ADAMTSL3: variants seen among roughly 807,000 people sequenced by gnomAD.
The protein encoded by ADAMTSL3 is ADAMTS-like protein 3.
In ADAMTSL3, 128 loss-of-function variants were observed where a neutral mutation model predicts 201.7. The observed-to-expected ratio is 0.63, with a 90% CI of 0.55 to 0.73. ADAMTSL3 has a LOEUF of 0.73. ADAMTSL3 is among the 30% of genes least tolerant of loss of function. The pLI is 0.00. For synonymous variants in ADAMTSL3, 738 were observed against 748.4 expected, an observed-to-expected ratio of 0.99 and a Z score of 0.23; for missense variants, 1,990 against 2,119.6, an observed-to-expected ratio of 0.94 and a Z score of 1.20.
chr15:84,009,393 A>C (rs2067964548), intron 23 of ADAMTSL3, among the ~76,000 whole-genome samples: 1 of 152,246 alleles, frequency 6.6e-6, no homozygotes, highest in African/African-American at 2.4e-5. Context: ...TATAAAATAA[A>C]ATATACTGCA....
At chr15:83,823,319 A>T (rs1485344306) in intron 6 of ADAMTSL3, among the ~76,000 whole-genome samples, 1 of 152,202 alleles carries the variant, frequency 6.6e-6, no homozygotes, top group Non-Finnish European at 1.5e-5. Flanking sequence ...AAACAATAGT[A>T]ACAACAGCAG....
chr15:83,828,972 T>C (rs535930009), intron 6 of ADAMTSL3, among the ~76,000 whole-genome samples: 40 of 151,158 alleles, frequency 2.6e-4, no homozygotes, highest in African/African-American at 9.2e-4. Flanking sequence ...ATCAGGGATA[T>C]TGGTCTAAAA....
chr15:83,754,918 T>C (rs1427834011), intron 3 of ADAMTSL3, among the ~76,000 whole-genome samples: 1 of 152,236 alleles, frequency 6.6e-6, no homozygotes, highest in African/African-American at 2.4e-5. Flanking sequence ...TTTTAGTCAA[T>C]GGTACTTAAT....
chr15:83,671,682 G>C (rs2061331303), intron 2 of ADAMTSL3, among the ~76,000 whole-genome samples: 1 of 152,098 alleles, frequency 6.6e-6, no homozygotes, highest in Non-Finnish European at 1.5e-5. Context: ...TGCTGTCCCC[G>C]ACTCTTCTTT....
chr15:83,704,326 A>T (rs1477504125), intron 2 of ADAMTSL3, 63 bp from the exon 3 acceptor site: 1 of 1,609,690 alleles, frequency 6.2e-7, no homozygotes, highest in Non-Finnish European at 8.5e-7. Flanking sequence ...GCCTTCTTGG[A>T]CTTTACCTGT....
At chr15:83,820,103 A>G (rs2063837807) in intron 6 of ADAMTSL3, 56 bp downstream of exon 6, 1 of 1,421,984 alleles carries the variant, frequency 7.0e-7, no homozygotes, top group East Asian at 2.3e-5. Context: ...GCCTACTGTC[A>G]ATAAACAGAA....
At chr15:83,902,744 C>G (rs2065751430) in intron 15 of ADAMTSL3, among the ~76,000 whole-genome samples, 1 of 152,168 alleles carries the variant, frequency 6.6e-6, no homozygotes, top group Admixed American at 6.5e-5. Context: ...TCCAGCCACA[C>G]TGACTTGCGG....
intron 16 of ADAMTSL3, among the ~76,000 whole-genome samples, chr15:83,916,837 T>C (rs1447048461): frequency 1.3e-5 from 2 of 152,218 alleles, no homozygotes; most frequent in African/African-American, 4.8e-5. Flanking sequence ...TTAGACTCCA[T>C]GGTTCTTCAC....
chr15:83,844,069 T>C (rs11634891), intron 7 of ADAMTSL3, among the ~76,000 whole-genome samples: 21,121 of 152,252 alleles, frequency 0.14, 1,909 homozygotes, highest in Middle Eastern at 0.34. Flanking sequence ...GGTTTGTTCC[T>C]TATTTTGGTC....
intron 3 of ADAMTSL3, among the ~76,000 whole-genome samples, chr15:83,721,650 A>G (rs2062102606): frequency 1.3e-5 from 2 of 152,180 alleles, no homozygotes; most frequent in Non-Finnish European, 2.9e-5. Flanking sequence ...TTCTCTAAAC[A>G]CTCTTAGATG....
At chr15:83,826,226 C>T (rs918941266) in intron 6 of ADAMTSL3, among the ~76,000 whole-genome samples, 2 of 152,086 alleles carry the variant, frequency 1.3e-5, no homozygotes, top group African/African-American at 4.8e-5. Context: ...CCAACCTAGT[C>T]TGCACTCCAC....
At chr15:83,966,026 C>T (rs573390997) in intron 19 of ADAMTSL3, among the ~76,000 whole-genome samples, 6 of 152,084 alleles carry the variant, frequency 3.9e-5, no homozygotes, top group Non-Finnish European at 8.8e-5. Context: ...TGGGACACAG[C>T]TAAAGCAGTG....
At chr15:83,770,028 T>G (rs971548717) in intron 3 of ADAMTSL3, among the ~76,000 whole-genome samples, 1 of 152,080 alleles carries the variant, frequency 6.6e-6, no homozygotes, top group African/African-American at 2.4e-5. Context: ...ATGATGTGTT[T>G]TATTAAGAAA....
intron 23 of ADAMTSL3, among the ~76,000 whole-genome samples, chr15:84,004,082 T>C (rs1003621058): frequency 4.6e-5 from 7 of 152,196 alleles, no homozygotes; most frequent in African/African-American, 1.7e-4. Flanking sequence ...GTGTAGAATT[T>C]TGGCCTCTCT....
intron 6 of ADAMTSL3, among the ~76,000 whole-genome samples, chr15:83,822,556 G>A (rs1308965253): frequency 3.4e-5 from 5 of 148,432 alleles, no homozygotes; most frequent in East Asian, 2.0e-4. Flanking sequence ...CATCCCAGAC[G>A]GGGCGGCGGG....
At chr15:83,674,293 C>T (rs774266654) in intron 2 of ADAMTSL3, among the ~76,000 whole-genome samples, 25 of 151,798 alleles carry the variant, frequency 1.6e-4, no homozygotes, top group African/African-American at 2.7e-4. Flanking sequence ...TCACATCTTA[C>T]GTTATATGGT....
At chr15:83,988,193 A>G (rs1186892687) in intron 21 of ADAMTSL3, among the ~76,000 whole-genome samples, 2 of 152,168 alleles carry the variant, frequency 1.3e-5, no homozygotes, top group Non-Finnish European at 2.9e-5. Flanking sequence ...GATGACCTCA[A>G]TCGACTTCTT....
intron 8 of ADAMTSL3, among the ~76,000 whole-genome samples, chr15:83,863,115 T>C (rs2064901365): frequency 6.6e-6 from 1 of 152,190 alleles, no homozygotes; most frequent in Non-Finnish European, 1.5e-5. Context: ...CCCAGATTCA[T>C]AAAGCAAGTC....
chr15:83,919,150 T>A (rs2066090714), intron 16 of ADAMTSL3, among the ~76,000 whole-genome samples: 1 of 152,122 alleles, frequency 6.6e-6, no homozygotes, highest in South Asian at 2.1e-4. Context: ...GATGTGTGAG[T>A]CTGAAGTGAA....
Sources: gnomAD v4.1 joint callset for allele counts (sites outside exome capture counted in the v4.1 genomes callset) on GRCh38, gnomAD v4.1.1 for gene constraint, MANE v1.5 for transcripts, NCBI Gene and HGNC (gene_info 2026-07-23, HGNC 2026-07-21) for gene names.